The following ALG12 variants were observed in gnomAD, a reference collection of about 807,000 sequenced individuals.
ALG12 encodes the protein dol-P-Man:Man(7)GlcNAc(2)-PP-Dol alpha-1,6-mannosyltransferase.
ALG12 carries 36 observed loss-of-function variants against 46.0 expected under a neutral mutation model. That is an observed-to-expected ratio of 0.78 (90% CI 0.60 to 1.03). The LOEUF is 1.03. ALG12 is among the 50% of genes least tolerant of loss of function. The pLI is 0.00. For missense variants in ALG12, 599 were observed against 633.5 expected, an observed-to-expected ratio of 0.95 and a Z score of 0.58; for synonymous variants, 326 against 291.6, an observed-to-expected ratio of 1.12 and a Z score of -1.20.
At chr22:49,887,681 G>A in the ALG12 span, 1 of 169,468 alleles carries the variant, frequency 5.9e-6, no homozygotes, top group Non-Finnish European at 1.4e-5. Flanking sequence ...TTAACCGCAG[G>A]TTCTAAAGTG....
chr22:49,883,641 G>T, the ALG12 span: 1 of 1,524,434 alleles, frequency 6.6e-7, no homozygotes, highest in Non-Finnish European at 8.9e-7. Flanking sequence ...CTAAGATACA[G>T]CCGGAGTAGT....
chr22:49,916,857 G>A (rs2146620133), intron 1 of ALG12, among the ~76,000 whole-genome samples: 1 of 152,382 alleles, frequency 6.6e-6, no homozygotes, highest in South Asian at 2.1e-4. Flanking sequence ...CACAGCAAGT[G>A]CTGCTTGGCA....
At chr22:49,878,301 C>CAAAAAAAAAAAAA in the ALG12 span, among the ~76,000 whole-genome samples, 1 of 107,216 alleles carries the variant, frequency 9.3e-6, no homozygotes, top group Non-Finnish European at 1.8e-5. Flanking sequence ...GACACTGTCT[C>CAAAAAAAAAAAAA]AAAAAAAAAA....
chr22:49,864,636 G>A, the ALG12 span, among the ~76,000 whole-genome samples: 3 of 151,992 alleles, frequency 2.0e-5, no homozygotes, highest in African/African-American at 7.2e-5. Context: ...CAGCAACCTA[G>A]TGAGACCCCC....
chr22:49,862,726 A>G, the ALG12 span, among the ~76,000 whole-genome samples: 1 of 112,124 alleles, frequency 8.9e-6, no homozygotes, highest in African/African-American at 4.6e-5. Context: ...TTTTAGACTT[A>G]AGTCTTGCTC....
the ALG12 span, among the ~76,000 whole-genome samples, chr22:49,874,489 G>A: frequency 8.0e-5 from 12 of 150,780 alleles, no homozygotes; most frequent in South Asian, 1.9e-3. Context: ...AGGTTCAAGC[G>A]ATTCTCCTGC....
At chr22:49,881,830 C>G in the ALG12 span, among the ~76,000 whole-genome samples, 1 of 152,110 alleles carries the variant, frequency 6.6e-6, no homozygotes, top group Non-Finnish European at 1.5e-5. Context: ...CTGTGCCTGG[C>G]CTGTGTTAAT....
chr22:49,909,936 T>A lies in ALG12; in HGVS notation c.622A>T (p.Arg208Ter), dbSNP rs1464756874. ...GCCGGGACGGCGTGGCGAAGGGCTC[T>A]GACTACAGAAACCTTTCGGTTGCCC... ...ALGNRKVSVV[R>*]ALRHAVPAGI... is the part of the protein sequence containing the mutation. Residue 208 changes from arginine to a stop codon, truncating the protein, a stop_gained, in exon 5 of 10, where the codon AGA becomes TGA. Coordinates refer to ENST00000330817, the MANE Select transcript of ALG12 (RefSeq NM_024105.4). LOFTEE classifies it high-confidence loss of function. 1 of 1,614,026 alleles carries A rather than the reference T, an allele frequency of 6.2e-7. No individual in the cohort carries two copies. The highest frequency in any genetic ancestry group is 8.5e-7 in the Non-Finnish European group (1 of 1,180,022).
chr22:49,864,180 C>T, the ALG12 span, among the ~76,000 whole-genome samples: 1 of 152,298 alleles, frequency 6.6e-6, no homozygotes, highest in Non-Finnish European at 1.5e-5. Flanking sequence ...GACGGCAGGG[C>T]GTTCACATGG....
chr22:49,885,870 G>A, the ALG12 span: 1 of 1,321,884 alleles, frequency 7.6e-7, no homozygotes, highest in Non-Finnish European at 1.1e-6. Flanking sequence ...GAATATGGAT[G>A]AGTAACCAGA....
rs1244983190 is a variant in ALG12 at position 49,913,852 on chromosome 22, G to A, written c.-78-9C>T. ...CTGCCACTCCACGCATGCTGGAAAA[G>A]TGGAAACAGATTCCTGAGGTTCGAA... is the stretch of plus-strand genomic sequence containing the variant. On this transcript the variant is annotated splice_polypyrimidine_tract_variant and intron_variant, in intron 1 of 9. Transcript: ENST00000330817. 1 of 1,570,056 alleles carries A rather than the reference G, an allele frequency of 6.4e-7. No homozygotes were observed. Among genetic ancestry groups the A allele is most frequent in the Admixed American group, 1.7e-5 (1 of 59,932 alleles).
the ALG12 span, chr22:49,887,016 C>G: frequency 1.2e-6 from 2 of 1,614,058 alleles, no homozygotes; most frequent in Non-Finnish European, 1.7e-6. Context: ...CCGCGCTGGC[C>G]GTCAGATTTT....
At chr22:49,863,377 C>T in the ALG12 span, among the ~76,000 whole-genome samples, 2 of 152,178 alleles carry the variant, frequency 1.3e-5, no homozygotes, top group African/African-American at 4.8e-5. Context: ...GCCTGTAATC[C>T]CAGCACTTTG....
chr22:49,901,762 CATGGTA>C lies in ALG12; in HGVS notation c.*2070_*2075del, dbSNP rs2060507954. On this transcript the variant is annotated 3_prime_UTR_variant, in exon 10 of 10. Transcript: ENST00000330817. ...GTGCATTGTGCATGCGTGGTGTATG[CATGGTA>C]ATGTGCACGTGTGCACTGTGTGTGG... 7.3e-6 allele frequency: 1 copy of C among 137,344 alleles called. No homozygotes were observed. The highest frequency in any genetic ancestry group is 7.2e-5 in the Admixed American group (1 of 13,820). The allele number at this position is 137,344 out of a possible 1,614,324, so 8.5% of individuals were successfully genotyped here.
intron 1 of ALG12, among the ~76,000 whole-genome samples, chr22:49,916,123 G>T (rs1006360873): frequency 2.0e-4 from 31 of 151,856 alleles, no homozygotes; most frequent in African/African-American, 6.8e-4. Context: ...AGCTGGAGTG[G>T]TGGCGAGTAG....
chr22:49,904,330 C>T lies in ALG12; in HGVS notation c.1162+7G>A. 1.2e-6 allele frequency: 2 copies of T among 1,614,198 alleles called. No homozygotes were observed. The highest frequency in any genetic ancestry group is 1.7e-6 in the Non-Finnish European group (2 of 1,180,022). On this transcript the variant is annotated splice_region_variant and intron_variant, in intron 8 of 9. Coordinates refer to ENST00000330817, the MANE Select transcript of ALG12 (RefSeq NM_024105.4). Reference sequence around the variant, plus strand: ...AGCAGTCCCCAGGCAGTGCCCCCAGCACCCACCTGTCTGGGGGGGCACCAG... The same window carrying T: ...AGCAGTCCCCAGGCAGTGCCCCCAGTACCCACCTGTCTGGGGGGGCACCAG...
At position 49,916,055 on chromosome 22, in the gene ALG12, C is replaced by T. The variant is rs9627791; in HGVS notation, c.-79+2208G>A. Among the ~76,000 whole-genome samples, 786 of 151,540 alleles carry T rather than the reference C, an allele frequency of 5.2e-3. 2 individuals are homozygous for T. Among genetic ancestry groups the T allele is most frequent in the African/African-American group, 0.018 (755 of 41,256 alleles). On this transcript the variant is annotated intron_variant, in intron 1 of 9. Transcript: ENST00000330817. ...CGGGTGGATCACAAGGTCAAGAGAT[C>T]GAGACCAGCTTGGCCAACATGGTAA...
chr22:49,885,050 A>G, the ALG12 span: 20 of 1,612,252 alleles, frequency 1.2e-5, no homozygotes, highest in African/African-American at 2.3e-4. Context: ...GAGGTCTGGC[A>G]TCACTTCTCC....
the ALG12 span, among the ~76,000 whole-genome samples, chr22:49,883,111 G>T: frequency 6.6e-6 from 1 of 151,994 alleles, no homozygotes; most frequent in African/African-American, 2.4e-5. Flanking sequence ...TTATTAATAG[G>T]CCACTTGCAT....
Sources: gnomAD v4.1 joint callset for allele counts (sites outside exome capture counted in the v4.1 genomes callset) on GRCh38, gnomAD v4.1.1 for gene constraint, MANE v1.5 for transcripts, NCBI Gene and HGNC (gene_info 2026-07-23, HGNC 2026-07-21) for gene names.